The following MMRN2 variants were observed in gnomAD, a reference collection of about 807,000 sequenced individuals.
The protein encoded by MMRN2 is multimerin-2.
Under a neutral mutation model 68.8 loss-of-function variants are expected in MMRN2, and 53 were observed. That is an observed-to-expected ratio of 0.77 (90% CI 0.62 to 0.97). The LOEUF (loss-of-function observed/expected upper bound fraction) is 0.97, where lower values mean the gene tolerates loss of function less well. Ranked by LOEUF, MMRN2 falls within the 50% of genes least tolerant of loss-of-function variation. The pLI is 0.00. For synonymous variants in MMRN2, 564 were observed against 551.6 expected, an observed-to-expected ratio of 1.02 and a Z score of -0.32; for missense variants, 1,266 against 1,259.5, an observed-to-expected ratio of 1.01 and a Z score of -0.08.
rs550835979 is a variant in MMRN2, at chr10:86,938,216, G to A, written c.2468-1091C>T. 1.8e-4 allele frequency among the ~76,000 whole-genome samples: 28 copies of A among 152,326 alleles called. No individual in the cohort carries two copies. The East Asian group carries it at 5.2e-3, about 28-fold the overall frequency. ...CGCAAAGTGCTGGGATTACAGGTGTGAGCCACTGTTACTGGCCAAGCTGGT... is the reference window on the plus strand; with the variant it reads ...CGCAAAGTGCTGGGATTACAGGTGTAAGCCACTGTTACTGGCCAAGCTGGT... On this transcript the variant is annotated intron_variant, in intron 6 of 6. Transcript: ENST00000372027.
Position 86,943,367 on chromosome 10 carries a change from G to A in MMRN2, c.1417C>T (p.Leu473Phe). The A allele has an allele frequency of 1.2e-6, 2 of 1,614,042 alleles. No individual in the cohort carries two copies. Among genetic ancestry groups the A allele is most frequent in the East Asian group, 2.2e-5 (1 of 44,870 alleles). Residue 473 changes from leucine (L) to phenylalanine (F), a missense_variant, in exon 6 of 7, where the codon CTC becomes TTC. Leu to Phe is a conservative substitution (Grantham distance 22, BLOSUM62 0). Transcript: ENST00000372027. This position sits in a 1 kb window ranked among gnomAD's most constrained non-coding sequence, Gnocchi z 4.2. ...EVERQLLELN[L>F]TLQHLQGGHA... ...CCACCCTGCAGGTGCTGCAGCGTGA[G>A]GTTGAGCTCCAGGAGCTGCCGCTCC...
chr10:86,947,078 T>C (rs1218460467), intron 1 of MMRN2, among the ~76,000 whole-genome samples: 1 of 151,946 alleles, frequency 6.6e-6, no homozygotes, highest in South Asian at 2.1e-4. Flanking sequence ...AGCAGGGAAG[T>C]GGCATGAAAG....
At chr10:86,942,149 G>C (rs1051456969) in intron 6 of MMRN2, among the ~76,000 whole-genome samples, 168 bp downstream of exon 6, 11 of 152,214 alleles carry the variant, frequency 7.2e-5, no homozygotes, top group African/African-American at 2.2e-4. Context: ...TAGCTTGAGA[G>C]ACCCACACCC....
At chr10:86,948,399 C>T (rs977808486) in intron 1 of MMRN2, among the ~76,000 whole-genome samples, 1 of 151,272 alleles carries the variant, frequency 6.6e-6, no homozygotes, top group Non-Finnish European at 1.5e-5. Flanking sequence ...ATGAAAAAAA[C>T]AAATGAGGGG....
rs778073215 is a variant in MMRN2, at chr10:86,943,160, C to T, written c.1624G>A (p.Ala542Thr). ...TGCGCGTCCACGGCCAGCGACACGG[C>T]GTCCACGGCGTTCTGCAGGGCCTGC... ...SLQALQNAVD[A>T]VSLAVDAHKA... The change falls in exon 6 of 7, where the codon GCC becomes ACC. Residue 542 changes from alanine (A) to threonine (T), a missense_variant. Transcript: ENST00000372027. This position sits in a 1 kb window ranked among gnomAD's most constrained non-coding sequence, Gnocchi z 4.2. 4 of 1,601,296 alleles carry T rather than the reference C, an allele frequency of 2.5e-6. No homozygotes were observed. The highest frequency in any genetic ancestry group is 3.4e-6 in the Non-Finnish European group (4 of 1,174,878).
Position 86,943,126 on chromosome 10 carries a change from T to G in MMRN2, c.1658A>C (p.Glu553Ala). 1 of 1,563,310 alleles carries G rather than the reference T, an allele frequency of 6.4e-7. No individual in the cohort carries two copies. The change falls in exon 6 of 7, where the codon GAG (glutamate) becomes GCG (alanine). Residue 553 changes from glutamate to alanine, a missense_variant. By Grantham distance (107) the Glu-to-Ala change is moderately radical. Transcript: ENST00000372027. The surrounding 1 kb of genome is among the most constrained non-coding windows in gnomAD (Gnocchi z 4.2). ...VSLAVDAHKA[E>A]GERARAATSR... ...CGTGGCCGCCCGCGCCCGCTCGCCC[T>G]CCGCTTTGTGCGCGTCCACGGCCAG...
chr10:86,939,671 C>CA (rs1308974149), intron 6 of MMRN2, among the ~76,000 whole-genome samples: 2 of 151,646 alleles, frequency 1.3e-5, no homozygotes, highest in African/African-American at 4.9e-5. Flanking sequence ...AGAGAGAGAC[C>CA]CCCACCCCAA....
At chr10:86,937,824 C>A (rs1843902784) in intron 6 of MMRN2, among the ~76,000 whole-genome samples, 1 of 152,146 alleles carries the variant, frequency 6.6e-6, no homozygotes, top group Non-Finnish European at 1.5e-5. Context: ...AATGCTAACA[C>A]TGGGAAGGTA....
chr10:86,945,082 G>T, intron 4 of MMRN2, 106 bp downstream of exon 4: 1 of 980,556 alleles, frequency 1.0e-6, no homozygotes, highest in Non-Finnish European at 1.5e-6. Context: ...TGATTCTGGA[G>T]GCAAGGTTTC....
At chr10:86,951,501 C>T (rs1844142682) in intron 1 of MMRN2, among the ~76,000 whole-genome samples, 1 of 152,214 alleles carries the variant, frequency 6.6e-6, no homozygotes, top group African/African-American at 2.4e-5. Context: ...TCAGGCTTTC[C>T]AGGCCACATG....
Position 86,943,138 on chromosome 10 carries a change from G to A in MMRN2, c.1646C>T (p.Ala549Val). Residue 549 changes from alanine (A) to valine (V), a missense_variant, in exon 6 of 7, where the codon GCG (alanine) becomes GTG (valine). Transcript: ENST00000372027. The surrounding 1 kb of genome is among the most constrained non-coding windows in gnomAD (Gnocchi z 4.2). ...AVDAVSLAVD[A>V]HKAEGERARA... ...CGCCCGCTCGCCCTCCGCTTTGTGC[G>A]CGTCCACGGCCAGCGACACGGCGTC... 6.3e-7 allele frequency: 1 copy of A among 1,584,538 alleles called. No individual in the cohort carries two copies. Among genetic ancestry groups the A allele is most frequent in the Non-Finnish European group, 8.6e-7 (1 of 1,168,648 alleles).
In MMRN2 at chr10:86,945,221, C is replaced by T. The variant is rs1391183134; in HGVS notation, c.448G>A (p.Glu150Lys). Residue 150 changes from glutamate to lysine, a missense_variant, in exon 4 of 7, where the codon GAA (glutamate) becomes AAA (lysine). Physicochemically the swap from Glu to Lys is moderately conservative, Grantham distance 56. Transcript: ENST00000372027. Reference protein sequence around the residue: ...EPADPGDSHQEPQDGPVSFKP... With the variant: ...EPADPGDSHQKPQDGPVSFKP... ...AAGCTGACTGGTCCATCCTGAGGTT[C>T]CTGGTGGCTGTCACCAGGATCTGCA... 6.2e-7 allele frequency: 1 copy of T among 1,613,774 alleles called. No homozygotes were observed. Among genetic ancestry groups the T allele is most frequent in the African/African-American group, 1.3e-5 (1 of 74,934 alleles).
chr10:86,942,742 C>G lies in MMRN2; in HGVS notation c.2042G>C (p.Ser681Thr). Residue 681 changes from serine (S) to threonine (T), a missense_variant, in exon 6 of 7, where the codon AGC becomes ACC. Physicochemically the swap from Ser to Thr is moderately conservative, Grantham distance 58 (BLOSUM62 1). Coordinates refer to ENST00000372027, the MANE Select transcript of MMRN2 (RefSeq NM_024756.3). Reference sequence around the variant, plus strand: ...GGCCTCCTCGCGGCCCGCGTCGTGGCTGGGCTCCAGGTGCTCTGCCGGCCG... The same window carrying G: ...GGCCTCCTCGCGGCCCGCGTCGTGGGTGGGCTCCAGGTGCTCTGCCGGCCG... ...PPRPAEHLEP[S>T]HDAGREEAAT... 7.1e-7 allele frequency: 1 copy of G among 1,413,810 alleles called. No individual in the cohort carries two copies. Among genetic ancestry groups the G allele is most frequent in the South Asian group, 1.5e-5 (1 of 64,796 alleles). The allele number at this position is 1,413,810 out of a possible 1,614,324, so 87.6% of individuals were successfully genotyped here.
chr10:86,949,955 A>G (rs180672042), intron 1 of MMRN2: 2 of 151,620 alleles, frequency 1.3e-5, no homozygotes, highest in South Asian at 2.1e-4. Context: ...GATCATCCCA[A>G]CACTGGGAGG....
In MMRN2 at chr10:86,943,037, C is replaced by T. The variant is rs1478469556; in HGVS notation, c.1747G>A (p.Ala583Thr). 7 of 1,352,846 alleles carry T rather than the reference C, an allele frequency of 5.2e-6. No homozygotes were observed. The highest frequency in any genetic ancestry group is 4.7e-6 in the Non-Finnish European group (5 of 1,055,644). 83.8% of individuals were successfully genotyped at this position (1,352,846 alleles called of 1,614,324 possible). ...DEVGALKAAA[A>T]EARHEVRQLH... The stretch of plus-strand genomic sequence containing the variant: ...TGGCGCACCTCGTGGCGGGCCTCGG[C>T]CGCGGCCGCCTTCAGCGCGCCCACC... Residue 583 changes from alanine (A) to threonine (T), a missense_variant, in exon 6 of 7, where the codon GCC becomes ACC. Transcript: ENST00000372027. This position sits in a 1 kb window ranked among gnomAD's most constrained non-coding sequence, Gnocchi z 4.2.
chr10:86,945,069 TG>T, intron 4 of MMRN2, 118 bp downstream of exon 4: 1 of 864,266 alleles, frequency 1.2e-6, no homozygotes, highest in Non-Finnish European at 1.8e-6. Flanking sequence ...GAGCAGGCCT[TG>T]CTGATTCTGG....
Position 86,942,349 on chromosome 10 carries a change from G to A in MMRN2, c.2435C>T (p.Pro812Leu). Reference sequence around the variant, plus strand: ...CCAGAGCGCCGCGCCCAAGGCACCTGGCACAGGCCCTGTGACCCGTATGTC... The same window carrying A: ...CCAGAGCGCCGCGCCCAAGGCACCTAGCACAGGCCCTGTGACCCGTATGTC... ...LVDIRVTGPV[P>L]GALGAALWEA... The change falls in exon 6 of 7, where the codon CCA becomes CTA. Residue 812 changes from proline (P) to leucine (L), a missense_variant. Transcript: ENST00000372027. The A allele has an allele frequency of 6.2e-7, 1 of 1,613,586 alleles. No individual in the cohort carries two copies. The highest frequency in any genetic ancestry group is 8.5e-7 in the Non-Finnish European group (1 of 1,179,684).
intron 1 of MMRN2, among the ~76,000 whole-genome samples, chr10:86,948,520 T>A (rs1270217061): frequency 6.6e-6 from 1 of 151,886 alleles, no homozygotes; most frequent in Admixed American, 6.6e-5. Flanking sequence ...GAGGGTAAAG[T>A]TAAAGAAATT....
In MMRN2 at chr10:86,942,469, T is replaced by C; in HGVS notation, c.2315A>G (p.Lys772Arg). ...MEANVSLDLG[K>R]LQTMLSRKGK... ...TTTCCTGCTCAGCATGGTCTGCAGC[T>C]TCCCCAGGTCCAGGCTGACGTTGGC... The change falls in exon 6 of 7, where the codon AAG becomes AGG. Residue 772 changes from lysine (K) to arginine (R), a missense_variant. Transcript: ENST00000372027. The C allele has an allele frequency of 6.2e-7, 1 of 1,614,134 alleles. No homozygotes were observed. The highest frequency in any genetic ancestry group is 8.5e-7 in the Non-Finnish European group (1 of 1,180,014).
Sources: allele counts gnomAD v4.1 joint callset (sites outside exome capture counted in the v4.1 genomes callset), GRCh38; gene constraint gnomAD v4.1.1; non-coding constraint Gnocchi (gnomAD v3.1); transcripts MANE v1.5; gene names NCBI Gene and HGNC (gene_info 2026-07-23, HGNC 2026-07-21).